GATAD2A: variants seen among roughly 807,000 people sequenced by gnomAD.
GATAD2A encodes GATA zinc finger domain containing 2A.
Under a neutral mutation model 68.5 loss-of-function variants are expected in GATAD2A, and 12 were observed. The ratio of observed to expected loss-of-function variants is 0.18; its 90% CI spans 0.11 to 0.28. The LOEUF is 0.28. GATAD2A is among the 10% of genes least tolerant of loss of function. The pLI, the probability that GATAD2A is intolerant of heterozygous loss-of-function variation, is 1.00. For synonymous variants in GATAD2A, 410 were observed against 375.3 expected (o/e 1.09, Z -1.07); for missense variants, 755 against 868.5 (o/e 0.87, Z 1.64).
intron 5 of GATAD2A, among the ~76,000 whole-genome samples, chr19:19,494,596 TAATGTC>T: frequency 6.6e-6 from 1 of 152,352 alleles, no homozygotes; most frequent in East Asian, 1.9e-4. Flanking sequence ...AGGCCACTGT[TAATGTC>T]ACAGACAGAA....
At chr19:19,402,117 G>C (rs1256630136), upstream of GATAD2A, 3 of 152,102 alleles carry the variant, frequency 2.0e-5, no homozygotes, top group Non-Finnish European at 4.4e-5. Flanking sequence ...AGAGTGCAGT[G>C]GCACAATCAT....
intron 1 of GATAD2A, among the ~76,000 whole-genome samples, chr19:19,461,299 T>G (rs4808959): frequency 0.44 from 66,360 of 151,974 alleles, 15,952 homozygotes; most frequent in African/African-American, 0.64. Flanking sequence ...AGTATTAGCA[T>G]TGTGATCTCA....
chr19:19,421,517 T>C (rs552428343), intron 1 of GATAD2A, among the ~76,000 whole-genome samples: 21 of 152,234 alleles, frequency 1.4e-4, no homozygotes, highest in African/African-American at 4.3e-4. Flanking sequence ...GCAGCGCGCT[T>C]CTCTGGGTTG....
intron 1 of GATAD2A, among the ~76,000 whole-genome samples, chr19:19,413,781 C>T (rs898622569): frequency 1.3e-5 from 2 of 152,050 alleles, no homozygotes; most frequent in East Asian, 1.9e-4. Flanking sequence ...GATGGGGTTT[C>T]GTCATGTTGG....
At chr19:19,493,086 G>A (rs550153198) in intron 4 of GATAD2A, among the ~76,000 whole-genome samples, 3 of 152,150 alleles carry the variant, frequency 2.0e-5, no homozygotes, top group Non-Finnish European at 4.4e-5. Context: ...GACTACAGGC[G>A]CGTGCCACCA....
intron 1 of GATAD2A, among the ~76,000 whole-genome samples, chr19:19,408,866 A>T (rs896162974): frequency 2.0e-5 from 3 of 152,174 alleles, no homozygotes; most frequent in Non-Finnish European, 2.9e-5. Context: ...TCAGAGAACA[A>T]GAAGGGGGAC....
chr19:19,501,980 C>G lies in GATAD2A; in HGVS notation c.1515C>G (p.Pro505=). Residue 505 remains proline, a synonymous_variant, in exon 10 of 12, where the codon CCC becomes CCG. Coordinates refer to ENST00000683918, the MANE Select transcript of GATAD2A (RefSeq NM_001384528.1). ...PHPVLKQVIK[P]RRKLAFRSGE... ...CCCCGTTTGTGTAGGTCATAAAACC[C>G]CGGCGTAAGTTGGCGTTCCGCTCAG... 6.2e-7 allele frequency: 1 copy of G among 1,613,960 alleles called. No individual in the cohort carries two copies. Among genetic ancestry groups the G allele is most frequent in the Non-Finnish European group, 8.5e-7 (1 of 1,179,862 alleles).
At chr19:19,430,985 G>GTC (rs1373979931) in intron 1 of GATAD2A, among the ~76,000 whole-genome samples, 3 of 133,876 alleles carry the variant, frequency 2.2e-5, no homozygotes, top group Admixed American at 8.0e-5. Context: ...GGGTGTGTGT[G>GTC]TGTGTGTGTG....
intron 1 of GATAD2A, among the ~76,000 whole-genome samples, chr19:19,412,279 C>G (rs1179282380): frequency 1.3e-5 from 2 of 151,814 alleles, no homozygotes; most frequent in African/African-American, 2.4e-5. Context: ...CCTCAGCCTC[C>G]CAAGTAGCTG....
chr19:19,386,058 C>T (rs2077246839), exon 1 of GATAD2A: 2 of 152,168 alleles, frequency 1.3e-5, no homozygotes, highest in Middle Eastern at 3.4e-3. Context: ...GGAGTCGCCT[C>T]CGCGGGACGC....
intron 1 of GATAD2A, among the ~76,000 whole-genome samples, chr19:19,453,140 G>C (rs1413945182): frequency 6.6e-6 from 1 of 152,188 alleles, no homozygotes; most frequent in Non-Finnish European, 1.5e-5. Context: ...CCTCAGCGAG[G>C]CTTCTCCTGG....
At chr19:19,478,819 AAAAAC>A (rs1568322293) in intron 2 of GATAD2A, among the ~76,000 whole-genome samples, 1 of 151,974 alleles carries the variant, frequency 6.6e-6, no homozygotes, top group Non-Finnish European at 1.5e-5. Flanking sequence ...CTCAAAAAAA[AAAAAC>A]AAAAAAAAAC....
chr19:19,454,728 G>GCTCC (rs566507943), intron 1 of GATAD2A, among the ~76,000 whole-genome samples: 2 of 121,616 alleles, frequency 1.6e-5, no homozygotes, highest in Non-Finnish European at 3.4e-5. Context: ...GAGCCACTGT[G>GCTCC]CCCCCCCCCA....
At chr19:19,490,628 G>C (rs551594443) in intron 2 of GATAD2A, among the ~76,000 whole-genome samples, 3 of 152,214 alleles carry the variant, frequency 2.0e-5, no homozygotes, top group South Asian at 4.1e-4. Flanking sequence ...GATTCACTTC[G>C]ATGAATGTAC....
chr19:19,484,226 C>T (rs903685399), intron 2 of GATAD2A, among the ~76,000 whole-genome samples: 3 of 152,114 alleles, frequency 2.0e-5, no homozygotes, highest in Non-Finnish European at 2.9e-5. Flanking sequence ...CACTGTGCTC[C>T]AGCGTAGGCA....
intron 2 of GATAD2A, among the ~76,000 whole-genome samples, chr19:19,479,262 C>T (rs1232596793): frequency 6.6e-6 from 1 of 152,202 alleles, no homozygotes; most frequent in Non-Finnish European, 1.5e-5. Flanking sequence ...TTAAAACTAA[C>T]TTTTAATTTT....
intron 1 of GATAD2A, among the ~76,000 whole-genome samples, chr19:19,400,553 G>A (rs2049632452): frequency 6.6e-6 from 1 of 152,116 alleles, no homozygotes; most frequent in Non-Finnish European, 1.5e-5. Context: ...GTGATACATT[G>A]GAAGTACTGT....
chr19:19,426,502 G>C (rs2053108104), intron 1 of GATAD2A, among the ~76,000 whole-genome samples: 1 of 152,028 alleles, frequency 6.6e-6, no homozygotes, highest in South Asian at 2.1e-4. Context: ...TGTTTCCAGT[G>C]CTTTTTAATT....
chr19:19,461,835 C>T (rs1398045417), intron 1 of GATAD2A, among the ~76,000 whole-genome samples: 1 of 152,238 alleles, frequency 6.6e-6, no homozygotes, highest in African/African-American at 2.4e-5. Flanking sequence ...CCTTGTGTCT[C>T]AGGCAGCCCT....
Sources: allele counts gnomAD v4.1 joint callset (sites outside exome capture counted in the v4.1 genomes callset), GRCh38; gene constraint gnomAD v4.1.1; transcripts MANE v1.5; gene names NCBI Gene and HGNC (gene_info 2026-07-23, HGNC 2026-07-21).